OR9Q1: variants seen among roughly 807,000 people sequenced by gnomAD.
OR9Q1 encodes the protein olfactory receptor family 9 subfamily Q member 1.
For missense variants in OR9Q1, 374 were observed against 378.8 expected (o/e 0.99, Z 0.11); for synonymous variants, 153 against 148.6 (o/e 1.03, Z -0.22).
intron 1 of OR9Q1, among the ~76,000 whole-genome samples, chr11:58,034,735 T>TTTCCTTCCTTCTTTCCTTCCTTCCTTCC (rs1853079573): frequency 9.0e-6 from 1 of 111,404 alleles, no homozygotes; most frequent in Admixed American, 1.0e-4. Flanking sequence ...GGTTTCTTTC[T>TTTCCTTCCTTCTTTCCTTCCTTCCTTCC]TTCCTTCCTT....
chr11:58,087,883 A>G (rs1463701275), intron 2 of OR9Q1, among the ~76,000 whole-genome samples: 1 of 151,878 alleles, frequency 6.6e-6, no homozygotes, highest in Non-Finnish European at 1.5e-5. Flanking sequence ...CCTACAAAGG[A>G]CATGAAGTCA....
At chr11:58,109,618 A>G (rs1565078199) in intron 2 of OR9Q1, 2 of 457,146 alleles carry the variant, frequency 4.4e-6, no homozygotes, top group Non-Finnish European at 8.8e-6. Flanking sequence ...TGTGAAGACT[A>G]CAAGAATGAA....
chr11:58,173,090 G>A (rs1046372955), intron 2 of OR9Q1, among the ~76,000 whole-genome samples: 1 of 152,008 alleles, frequency 6.6e-6, no homozygotes, highest in Non-Finnish European at 1.5e-5. Context: ...AAGTACTCTT[G>A]GGTATGAAAA....
At chr11:58,029,329 G>A (rs907534112) in intron 1 of OR9Q1, among the ~76,000 whole-genome samples, 1 of 152,174 alleles carries the variant, frequency 6.6e-6, no homozygotes, top group Admixed American at 6.5e-5. Flanking sequence ...AGGCTGGATA[G>A]GCTTCCTCAC....
intron 2 of OR9Q1, among the ~76,000 whole-genome samples, chr11:58,143,681 C>T (rs527762737): frequency 6.6e-6 from 1 of 152,070 alleles, no homozygotes; most frequent in African/African-American, 2.4e-5. Flanking sequence ...AGGGAAACAA[C>T]ACATACTGGG....
chr11:58,148,304 G>T (rs1290609813), intron 2 of OR9Q1, among the ~76,000 whole-genome samples: 1 of 148,718 alleles, frequency 6.7e-6, no homozygotes, highest in Non-Finnish European at 1.5e-5. Context: ...TTTGGCAGAA[G>T]TGTGTATATA....
intron 1 of OR9Q1, among the ~76,000 whole-genome samples, chr11:58,043,474 C>A (rs1853186449): frequency 6.6e-6 from 1 of 152,200 alleles, no homozygotes; most frequent in African/African-American, 2.4e-5. Context: ...GGCTCCTCCC[C>A]ATTTTCTATA....
chr11:58,107,045 G>A (rs981728763), intron 2 of OR9Q1, among the ~76,000 whole-genome samples: 3 of 152,038 alleles, frequency 2.0e-5, no homozygotes, highest in Non-Finnish European at 2.9e-5. Flanking sequence ...TAAATTTGTA[G>A]ATTGCTTTGG....
At position 58,159,926 on chromosome 11, in the gene OR9Q1, T is replaced by G. The variant is rs111269146; in HGVS notation, c.-14-19505T>G. Among the ~76,000 whole-genome samples, 888 of 152,350 alleles carry G rather than the reference T, an allele frequency of 5.8e-3. 11 individuals carry two copies. Among genetic ancestry groups the G allele is most frequent in the African/African-American group, 0.021 (854 of 41,594 alleles). On this transcript the variant is annotated intron_variant, in intron 2 of 2. Coordinates refer to ENST00000335397, the MANE Select transcript of OR9Q1 (RefSeq NM_001005212.4). ...AAGAGATGGGGTCTATGATCTTTTC[T>G]CTTGAAACTGAGCAGATCTTAATAA...
chr11:58,112,987 C>T (rs767070863), intron 2 of OR9Q1, among the ~76,000 whole-genome samples: 3 of 152,092 alleles, frequency 2.0e-5, no homozygotes, highest in Admixed American at 6.6e-5. Flanking sequence ...ACACACAGAA[C>T]CCTAGAGTTG....
intron 2 of OR9Q1, among the ~76,000 whole-genome samples, chr11:58,159,242 A>G (rs1054297929): frequency 6.6e-6 from 1 of 152,192 alleles, no homozygotes; most frequent in East Asian, 1.9e-4. Context: ...TTGGTGAACT[A>G]CCATCACCTG....
intron 2 of OR9Q1, among the ~76,000 whole-genome samples, chr11:58,060,759 T>C (rs1043760578): frequency 1.3e-5 from 2 of 151,750 alleles, no homozygotes; most frequent in African/African-American, 4.9e-5. Flanking sequence ...CAGTTGAATA[T>C]TAAACTTAAG....
intron 2 of OR9Q1, 46 bp downstream of exon 2, chr11:58,055,993 A>G (rs923622953): frequency 6.6e-6 from 1 of 152,166 alleles, no homozygotes; most frequent in African/African-American, 2.4e-5. Context: ...AGTCTGTGCT[A>G]CTTTGTTATA....
At chr11:58,030,047 G>A (rs1853015580) in intron 1 of OR9Q1, among the ~76,000 whole-genome samples, 1 of 151,962 alleles carries the variant, frequency 6.6e-6, no homozygotes, top group Admixed American at 6.6e-5. Flanking sequence ...TCACAATGTT[G>A]GCCAGGCTGA....
chr11:58,121,594 T>C (rs1854033070), intron 2 of OR9Q1, among the ~76,000 whole-genome samples: 1 of 152,190 alleles, frequency 6.6e-6, no homozygotes, highest in African/African-American at 2.4e-5. Context: ...CCTTGAACCA[T>C]TTGCCTGGCC....
At chr11:58,172,894 T>G (rs1467294323) in intron 2 of OR9Q1, among the ~76,000 whole-genome samples, 2 of 152,204 alleles carry the variant, frequency 1.3e-5, no homozygotes, top group Non-Finnish European at 2.9e-5. Flanking sequence ...CCTGTTGTGC[T>G]ATCACATACT....
chr11:58,025,391 G>T (rs552006275), intron 1 of OR9Q1, among the ~76,000 whole-genome samples: 1 of 152,124 alleles, frequency 6.6e-6, no homozygotes, highest in Non-Finnish European at 1.5e-5. Context: ...TGGTAGAGAC[G>T]GGGTTTCACC....
At chr11:58,155,487 G>A (rs1246640738) in intron 2 of OR9Q1, among the ~76,000 whole-genome samples, 1 of 152,190 alleles carries the variant, frequency 6.6e-6, no homozygotes, top group Non-Finnish European at 1.5e-5. Context: ...TCATGCAAGT[G>A]CAGGGTCAGT....
intron 2 of OR9Q1, among the ~76,000 whole-genome samples, chr11:58,150,234 GTTC>G (rs1348014990): frequency 1.3e-5 from 2 of 152,088 alleles, no homozygotes; most frequent in Non-Finnish European, 2.9e-5. Flanking sequence ...ATCTTTCCAT[GTTC>G]TTATTGGCCA....
Sources: gnomAD v4.1 joint callset for allele counts (sites outside exome capture counted in the v4.1 genomes callset) on GRCh38, gnomAD v4.1.1 for gene constraint, MANE v1.5 for transcripts, NCBI Gene and HGNC (gene_info 2026-07-23, HGNC 2026-07-21) for gene names.